DET1: variants seen among roughly 807,000 people sequenced by gnomAD.
DET1 encodes the protein DET1 partner of COP1 E3 ubiquitin ligase.
In DET1, 22 loss-of-function variants were observed where a neutral mutation model predicts 43.7. The ratio of observed to expected loss-of-function variants is 0.50; its 90% confidence interval spans 0.36 to 0.72. DET1 has a LOEUF of 0.72. DET1 is among the 30% of genes least tolerant of loss of function. The pLI is 0.00. For synonymous variants in DET1, 315 were observed against 266.2 expected (o/e 1.18, Z -1.79); for missense variants, 713 against 713.3 (o/e 1.00, Z 0.00).
chr15:88,526,180 A>G (rs1303911951), intron 3 of DET1, among the ~76,000 whole-genome samples: 1 of 152,232 alleles, frequency 6.6e-6, no homozygotes, highest in African/African-American at 2.4e-5. Flanking sequence ...TCTATCTGTA[A>G]TTGAGTACTA....
At chr15:88,508,723 G>T (rs2056167780), downstream of DET1, among the ~76,000 whole-genome samples, 1 of 152,190 alleles carries the variant, frequency 6.6e-6, no homozygotes, top group African/African-American at 2.4e-5. Flanking sequence ...CTTCTTTGGA[G>T]TGGGTTGAGG....
chr15:88,537,228 T>C (rs1194464131), intron 1 of DET1, among the ~76,000 whole-genome samples: 7 of 152,184 alleles, frequency 4.6e-5, no homozygotes, highest in African/African-American at 1.7e-4. Flanking sequence ...GTAAGCACTG[T>C]TTTGTAAAAC....
intron 3 of DET1, among the ~76,000 whole-genome samples, chr15:88,518,472 T>C (rs989759944): frequency 7.9e-5 from 12 of 152,224 alleles, no homozygotes; most frequent in East Asian, 1.9e-4. Context: ...CAATACTGTC[T>C]ATATAATATG....
At chr15:88,506,209 T>A (rs2056139103) in intron 7 of DET1, among the ~76,000 whole-genome samples, 1 of 152,178 alleles carries the variant, frequency 6.6e-6, no homozygotes, top group Non-Finnish European at 1.5e-5. Context: ...AAGTAGAAAT[T>A]ACCCCCGTTT....
chr15:88,506,043 G>T (rs1320031336), intron 7 of DET1, among the ~76,000 whole-genome samples: 1 of 152,158 alleles, frequency 6.6e-6, no homozygotes, highest in Non-Finnish European at 1.5e-5. Flanking sequence ...GGTACAACCT[G>T]GGCTGGGAGC....
chr15:88,536,530 A>G (rs767384350), intron 1 of DET1: 1 of 506,102 alleles, frequency 2.0e-6, no homozygotes, highest in Non-Finnish European at 3.5e-6. Context: ...CTGTAATACC[A>G]GCACTTTGGG....
intron 4 of DET1, among the ~76,000 whole-genome samples, chr15:88,515,753 G>A (rs1472003413): frequency 2.0e-5 from 3 of 151,748 alleles, no homozygotes; most frequent in Non-Finnish European, 4.4e-5. Context: ...TGCTAGGATA[G>A]CTTGGATTTC....
chr15:88,515,983 A>T (rs1352142983), intron 4 of DET1, among the ~76,000 whole-genome samples: 1 of 152,246 alleles, frequency 6.6e-6, no homozygotes, highest in African/African-American at 2.4e-5. Flanking sequence ...CCCAAAGGAA[A>T]TATTATAAAT....
intron 1 of DET1, among the ~76,000 whole-genome samples, chr15:88,541,961 TGA>T (rs1254709819): frequency 1.3e-5 from 2 of 152,182 alleles, no homozygotes; most frequent in African/African-American, 2.4e-5. Flanking sequence ...CTACTACCAC[TGA>T]GAGAGGCACA....
At chr15:88,525,827 A>AT (rs10658727) in intron 3 of DET1, among the ~76,000 whole-genome samples, 25,221 of 90,668 alleles carry the variant, frequency 0.28, 3,787 homozygotes, top group South Asian at 0.39. Flanking sequence ...ACACTCGGCT[A>AT]TTTTTTTTTT....
chr15:88,545,986 C>T (rs910852814), intron 1 of DET1, among the ~76,000 whole-genome samples: 4 of 151,492 alleles, frequency 2.6e-5, no homozygotes, highest in Middle Eastern at 3.4e-3. Flanking sequence ...AAAGCCCCTG[C>T]ACCTGGAACT....
intron 1 of DET1, among the ~76,000 whole-genome samples, chr15:88,541,338 A>T (rs1174324627): frequency 1.3e-5 from 2 of 151,904 alleles, no homozygotes; most frequent in Non-Finnish European, 2.9e-5. Context: ...ACACCCACAG[A>T]TGATCAATAA....
intron 3 of DET1, among the ~76,000 whole-genome samples, chr15:88,526,881 A>C (rs2056676786): frequency 1.3e-5 from 2 of 152,134 alleles, no homozygotes; most frequent in Non-Finnish European, 2.9e-5. Flanking sequence ...TAAGAACTTT[A>C]CCAATCCTCC....
chr15:88,531,632 C>A lies in DET1; in HGVS notation c.74G>T (p.Arg25Leu). 6.2e-7 allele frequency: 1 copy of A among 1,613,946 alleles called. No homozygotes were observed. The highest frequency in any genetic ancestry group is 8.5e-7 in the Non-Finnish European group (1 of 1,179,838). ...NQNVIHRLER[R>L]RISSGKAGTH... Reference sequence around the variant, plus strand: ...ACCTGCCTTGCCTGAACTGATCCGCCGGCGTTCCAAGCGGTGAATGACATT... The same window carrying A: ...ACCTGCCTTGCCTGAACTGATCCGCAGGCGTTCCAAGCGGTGAATGACATT... Residue 25 changes from arginine (R) to leucine (L), a missense_variant, in exon 2 of 5, where the codon CGG becomes CTG. By Grantham distance (102) the Arg-to-Leu change is moderately radical. Transcript: ENST00000268148. This position sits in a 1 kb window ranked among gnomAD's most constrained non-coding sequence, Gnocchi z 6.2.
At chr15:88,542,207 G>C (rs899700636) in intron 1 of DET1, among the ~76,000 whole-genome samples, 1 of 152,128 alleles carries the variant, frequency 6.6e-6, no homozygotes, top group Non-Finnish European at 1.5e-5. Flanking sequence ...AGAGAGGCCA[G>C]AAAACACTTC....
At chr15:88,511,609 G>A, downstream of DET1, 2 of 984,404 alleles carry the variant, frequency 2.0e-6, no homozygotes, top group Non-Finnish European at 2.4e-6. Flanking sequence ...AATGAGAGCT[G>A]TTATTGTACT....
At chr15:88,533,656 T>C (rs1439070463) in intron 1 of DET1, among the ~76,000 whole-genome samples, 1 of 152,114 alleles carries the variant, frequency 6.6e-6, no homozygotes, top group Non-Finnish European at 1.5e-5. Context: ...GAGGACATTA[T>C]GTGAAGTCAA....
chr15:88,530,054 C>A (rs1351553851), intron 2 of DET1, among the ~76,000 whole-genome samples: 1 of 152,234 alleles, frequency 6.6e-6, no homozygotes, highest in Admixed American at 6.5e-5. Context: ...GCTCTACAAC[C>A]TATGTCCCAG....
chr15:88,508,397 A>C (rs1324481044), downstream of DET1, among the ~76,000 whole-genome samples: 1 of 152,194 alleles, frequency 6.6e-6, no homozygotes, highest in Non-Finnish European at 1.5e-5. Flanking sequence ...CAATTCTGTG[A>C]GACAATAAAT....
Sources: gnomAD v4.1 joint callset for allele counts (sites outside exome capture counted in the v4.1 genomes callset) on GRCh38, gnomAD v4.1.1 for gene constraint, Gnocchi (gnomAD v3.1) non-coding constraint, MANE v1.5 for transcripts, NCBI Gene and HGNC (gene_info 2026-07-23, HGNC 2026-07-21) for gene names.